Variants in TENM4 observed in about 807,000 individuals in gnomAD.
TENM4 encodes teneurin transmembrane protein 4.
In TENM4, 82 loss-of-function variants were observed where a neutral mutation model predicts 243.3. The observed-to-expected ratio is 0.34, with a 90% CI of 0.28 to 0.40. TENM4 has a LOEUF of 0.40. TENM4 is among the 10% of genes least tolerant of loss of function. TENM4 has a pLI of 1.00. For missense variants in TENM4, 3,138 were observed against 3,673.3 expected (o/e 0.85, Z 3.77); for synonymous variants, 1,412 against 1,456.3 (o/e 0.97, Z 0.69).
At chr11:79,119,775 A>G (rs75133808) in intron 4 of TENM4, among the ~76,000 whole-genome samples, 2 of 151,638 alleles carry the variant, frequency 1.3e-5, no homozygotes, top group Non-Finnish European at 2.9e-5. Context: ...CCGCCCCTCT[A>G]CTCTCTCCCA....
At chr11:78,755,258 G>A (rs552624804) in intron 19 of TENM4, among the ~76,000 whole-genome samples, 2 of 152,178 alleles carry the variant, frequency 1.3e-5, no homozygotes, top group East Asian at 3.9e-4. Context: ...TCAACCTTCT[G>A]GGCTCAAGTG....
rs569082783 is a variant in TENM4 at position 79,132,345 on chromosome 11, C to CAAAAAAAAAAAAA, written c.-66+16352_-66+16364dup. Reference sequence around the variant, plus strand: ...TGGGAGAAAGAGCAAGACTCCAACTCAAAAAAAAAAAAAAAAAGAGAAATG... The same window carrying CAAAAAAAAAAAAA: ...TGGGAGAAAGAGCAAGACTCCAACTCAAAAAAAAAAAAAAAAAAAAAAAAAAAAAAGAGAAATG... On this transcript the variant is annotated intron_variant, in intron 4 of 33. Coordinates refer to ENST00000278550, the MANE Select transcript of TENM4 (RefSeq NM_001098816.3). Among the ~76,000 whole-genome samples the CAAAAAAAAAAAAA allele has an allele frequency of 6.2e-3, 308 of 49,904 alleles. 45 individuals carry two copies. The highest frequency in any genetic ancestry group is 9.1e-3 in the Non-Finnish European group (218 of 24,072). The allele number at this position is 49,904 out of a possible 152,430, so 32.7% of individuals were successfully genotyped here.
intron 1 of TENM4, among the ~76,000 whole-genome samples, chr11:79,425,822 A>G (rs1237773523): frequency 2.0e-5 from 3 of 152,198 alleles, no homozygotes; most frequent in East Asian, 3.9e-4. Flanking sequence ...ATTTAATTCC[A>G]TGATTATTGA....
intron 3 of TENM4, among the ~76,000 whole-genome samples, chr11:79,157,750 C>T (rs1862653274): frequency 6.6e-6 from 1 of 152,210 alleles, no homozygotes; most frequent in Non-Finnish European, 1.5e-5. Context: ...TTCCATACCT[C>T]CTTGCTTTCT....
Position 78,748,653 on chromosome 11 carries a change from G to A in TENM4, c.2756+8152C>T, listed in dbSNP as rs1357913891. 3.9e-5 allele frequency among the ~76,000 whole-genome samples: 6 copies of A among 152,276 alleles called. No homozygotes were observed. In the East Asian group the frequency reaches 1.2e-3, roughly 29 times the overall value. ...TTGGCTCTGCTATTACAAGCCCTAT[G>A]ACCATGGCCCAGATTACTTAAATTC... is the stretch of plus-strand genomic sequence containing the variant. On this transcript the variant is annotated intron_variant, in intron 19 of 33. Coordinates refer to ENST00000278550, the MANE Select transcript of TENM4 (RefSeq NM_001098816.3).
Position 78,903,277 on chromosome 11 carries a change from AG to A in TENM4, c.739del (p.Leu247TrpfsTer6). On this transcript the variant is annotated frameshift_variant, in exon 7 of 34. Transcript: ENST00000278550. LOFTEE classifies it high-confidence loss of function. ...CCTACCGGCCGCGCACCTGGTCTCC[AG>A]GGGGATGTTGCTGTTGAGCAGCCAG... ...ENWLLNSNIP[L>X]ETRNLGKQPF... is the part of the protein sequence containing the mutation. 1 of 1,491,108 alleles carries A rather than the reference AG, an allele frequency of 6.7e-7. No homozygotes were observed. The highest frequency in any genetic ancestry group is 1.8e-4 in the Middle Eastern group (1 of 5,554). 92.4% of individuals were successfully genotyped at this position (1,491,108 alleles called of 1,614,324 possible).
chr11:79,004,466 C>CA (rs1858420922), intron 6 of TENM4, among the ~76,000 whole-genome samples: 1 of 152,142 alleles, frequency 6.6e-6, no homozygotes, highest in South Asian at 2.1e-4. Context: ...GAAAATTGCA[C>CA]AAAACCATAC....
At chr11:78,896,298 G>C (rs1443375845) in intron 7 of TENM4, among the ~76,000 whole-genome samples, 1 of 152,122 alleles carries the variant, frequency 6.6e-6, no homozygotes, top group East Asian at 1.9e-4. Context: ...TGTGCAGGGG[G>C]TTAGTGACTC....
At chr11:78,702,727 T>A (rs1227854092) in intron 27 of TENM4, among the ~76,000 whole-genome samples, 1 of 152,186 alleles carries the variant, frequency 6.6e-6, no homozygotes, top group African/African-American at 2.4e-5. Context: ...CTTATGACTG[T>A]GGGCAAGTTA....
At chr11:78,898,255 T>A (rs1565429344) in intron 7 of TENM4, among the ~76,000 whole-genome samples, 1 of 152,218 alleles carries the variant, frequency 6.6e-6, no homozygotes, top group African/African-American at 2.4e-5. Context: ...AAGGAGCACA[T>A]TTACCAAAGC....
chr11:78,753,482 T>C (rs1415181699), intron 19 of TENM4, among the ~76,000 whole-genome samples: 1 of 152,194 alleles, frequency 6.6e-6, no homozygotes, highest in East Asian at 1.9e-4. Flanking sequence ...GCTGTGCAAA[T>C]AAGCACTGTC....
At chr11:79,366,483 G>GC (rs1857679882) in intron 1 of TENM4, among the ~76,000 whole-genome samples, 1 of 152,252 alleles carries the variant, frequency 6.6e-6, no homozygotes, top group Non-Finnish European at 1.5e-5. Context: ...TGCAGCCAGT[G>GC]CACAGGCTGT....
intron 1 of TENM4, among the ~76,000 whole-genome samples, chr11:79,322,604 A>G (rs899305253): frequency 2.6e-5 from 4 of 152,188 alleles, no homozygotes; most frequent in Non-Finnish European, 5.9e-5. Flanking sequence ...CACAACAAAA[A>G]GCAATTTGGC....
chr11:79,214,756 T>C (rs1368839848), intron 3 of TENM4, among the ~76,000 whole-genome samples: 3 of 152,214 alleles, frequency 2.0e-5, no homozygotes, highest in African/African-American at 7.2e-5. Flanking sequence ...AGAGTCAATG[T>C]TCAACCTTCC....
At chr11:79,388,590 G>T (rs1331847626) in intron 1 of TENM4, among the ~76,000 whole-genome samples, 1 of 152,154 alleles carries the variant, frequency 6.6e-6, no homozygotes, top group East Asian at 1.9e-4. Context: ...CGTGCACACA[G>T]GCAGGAGTTC....
chr11:78,706,737 G>A (rs1859260863), intron 27 of TENM4, among the ~76,000 whole-genome samples: 1 of 152,094 alleles, frequency 6.6e-6, no homozygotes, highest in Non-Finnish European at 1.5e-5. Context: ...ACAATTTTCC[G>A]ATGTGTGGAC....
chr11:78,806,292 T>C lies in TENM4; in HGVS notation c.1979-800A>G, dbSNP rs566706260. Among the ~76,000 whole-genome samples, 13 of 152,252 alleles carry C rather than the reference T, an allele frequency of 8.5e-5. No homozygotes were observed. In the East Asian group the frequency reaches 2.5e-3, roughly 29 times the overall value. ...CCAGCCTGGGCAGTGAGCAAGACTC[T>C]GTCTCTAAAAAACAAACAAACAAAA... On this transcript the variant is annotated intron_variant, in intron 14 of 33. Transcript: ENST00000278550.
chr11:78,865,512 T>A (rs762323148), intron 9 of TENM4, among the ~76,000 whole-genome samples: 2 of 152,176 alleles, frequency 1.3e-5, no homozygotes, highest in Non-Finnish European at 2.9e-5. Flanking sequence ...TTTTAGGCAG[T>A]AACACAGGAT....
intron 30 of TENM4, among the ~76,000 whole-genome samples, chr11:78,673,963 G>A (rs1318296993): frequency 2.0e-5 from 3 of 152,218 alleles, no homozygotes; most frequent in Non-Finnish European, 4.4e-5. Context: ...AGGCATTGGA[G>A]GCTGAAGCTG....
Sources: allele counts gnomAD v4.1 joint callset (sites outside exome capture counted in the v4.1 genomes callset), GRCh38; gene constraint gnomAD v4.1.1; transcripts MANE v1.5; gene names NCBI Gene and HGNC (gene_info 2026-07-23, HGNC 2026-07-21).